Variants in C1orf21 observed in about 807,000 individuals in gnomAD.
The protein encoded by C1orf21 is chromosome 1 open reading frame 21.
Under a neutral mutation model 18.7 loss-of-function variants are expected in C1orf21, and 3 were observed. That is an observed-to-expected ratio of 0.16 (90% CI 0.07 to 0.42). The LOEUF (loss-of-function observed/expected upper bound fraction) is 0.42, where lower values mean the gene tolerates loss of function less well. Among genes scored for constraint, C1orf21 ranks in the 10% least tolerant of loss-of-function variants. The pLI is 0.99. For missense variants in C1orf21, 104 were observed against 143.6 expected (o/e 0.72, Z 1.41); for synonymous variants, 41 against 46.4 (o/e 0.88, Z 0.47).
chr1:184,437,338 C>G (rs1656874671), intron 1 of C1orf21, among the ~76,000 whole-genome samples: 1 of 152,196 alleles, frequency 6.6e-6, no homozygotes. Context: ...CCTGTTATTT[C>G]AGCAAAACCA....
At position 184,619,500 on chromosome 1, in the gene C1orf21, T is replaced by G. The variant is rs1450777318; in HGVS notation, c.328-18T>G. The G allele has an allele frequency of 3.1e-6, 5 of 1,610,748 alleles. No homozygotes were observed. The highest frequency in any genetic ancestry group is 4.2e-6 in the Non-Finnish European group (5 of 1,179,060). Reference sequence around the variant, plus strand: ...TGAATTTCTCATTCACATGCTCTTTTTTCTTTTTCCCTCCAAGGGTCGGGA... The same window carrying G: ...TGAATTTCTCATTCACATGCTCTTTGTTCTTTTTCCCTCCAAGGGTCGGGA... On this transcript the variant is annotated intron_variant, in intron 5 of 5. Coordinates refer to ENST00000235307, the MANE Select transcript of C1orf21 (RefSeq NM_030806.4).
chr1:184,507,796 C>T, intron 3 of C1orf21, 114 bp downstream of exon 3: 1 of 826,686 alleles, frequency 1.2e-6, no homozygotes, highest in Non-Finnish European at 1.8e-6. Context: ...CTTGAAAATG[C>T]TGCAGCTATT....
chr1:184,479,937 C>T (rs958979376), intron 2 of C1orf21, among the ~76,000 whole-genome samples: 3 of 152,048 alleles, frequency 2.0e-5, no homozygotes, highest in Non-Finnish European at 4.4e-5. Flanking sequence ...TTCTTTAATG[C>T]ACAAAAGTAT....
At chr1:184,614,948 A>C (rs1659798679) in intron 5 of C1orf21, among the ~76,000 whole-genome samples, 1 of 152,218 alleles carries the variant, frequency 6.6e-6, no homozygotes, top group African/African-American at 2.4e-5. Context: ...GTAGCGGTCC[A>C]TGGCTTGGGG....
intron 1 of C1orf21, among the ~76,000 whole-genome samples, chr1:184,430,113 C>CAA (rs34368090): frequency 0.015 from 1,457 of 100,232 alleles, 23 homozygotes; most frequent in Admixed American, 0.028. Context: ...CTCCGTCTCA[C>CAA]AAAAAAAAAA....
chr1:184,586,335 T>G (rs557431770), intron 3 of C1orf21, among the ~76,000 whole-genome samples: 3 of 143,366 alleles, frequency 2.1e-5, no homozygotes, highest in African/African-American at 8.0e-5. Context: ...CAGGCTGGAG[T>G]GCAGTGGTGC....
chr1:184,396,112 A>G (rs1436441556), intron 1 of C1orf21, among the ~76,000 whole-genome samples: 1 of 152,176 alleles, frequency 6.6e-6, no homozygotes, highest in Admixed American at 6.5e-5. Context: ...TCCACATATG[A>G]TAGAGAGCAA....
chr1:184,460,944 G>T (rs1657299427), intron 1 of C1orf21, among the ~76,000 whole-genome samples: 1 of 151,898 alleles, frequency 6.6e-6, no homozygotes, highest in Non-Finnish European at 1.5e-5. Flanking sequence ...TGACGTTGAG[G>T]ACAGGTGTCC....
At chr1:184,417,902 C>T (rs548294928) in intron 1 of C1orf21, among the ~76,000 whole-genome samples, 43 of 152,272 alleles carry the variant, frequency 2.8e-4, no homozygotes, top group African/African-American at 9.9e-4. Flanking sequence ...TGGGGTATCG[C>T]TGCATGAATG....
chr1:184,521,813 A>G (rs1052094077), intron 3 of C1orf21, among the ~76,000 whole-genome samples: 4 of 152,226 alleles, frequency 2.6e-5, no homozygotes, highest in Non-Finnish European at 5.9e-5. Flanking sequence ...GACTGTGACA[A>G]AAGAGTCTAA....
chr1:184,512,116 A>G (rs1051156351), intron 3 of C1orf21, among the ~76,000 whole-genome samples: 2 of 152,208 alleles, frequency 1.3e-5, no homozygotes, highest in African/African-American at 2.4e-5. Flanking sequence ...GTCTGTGCCC[A>G]CAGGAGGCTT....
In C1orf21 at chr1:184,524,931, GCTTA is replaced by G. The variant is rs1034962626; in HGVS notation, c.189+17253_189+17256del. Among the ~76,000 whole-genome samples the G allele has an allele frequency of 1.3e-4, 20 of 152,116 alleles. No homozygotes were observed. The South Asian group carries it at 1.5e-3, about 11-fold the overall frequency. On this transcript the variant is annotated intron_variant, in intron 3 of 5. Transcript: ENST00000235307. ...TTTTATTATAGAAAATATTTTCATA[GCTTA>G]CTTCTTAAAATATCCATTAGTCTGA...
chr1:184,607,600 T>C (rs1017849985), intron 5 of C1orf21, among the ~76,000 whole-genome samples: 29 of 151,914 alleles, frequency 1.9e-4, no homozygotes, highest in Admixed American at 1.6e-3. Flanking sequence ...ACCAAGCATA[T>C]AGATATATAT....
At chr1:184,557,875 C>T (rs1658900513) in intron 3 of C1orf21, among the ~76,000 whole-genome samples, 1 of 152,084 alleles carries the variant, frequency 6.6e-6, no homozygotes, top group Admixed American at 6.5e-5. Context: ...CTGATGGAGC[C>T]ATTCATTCTA....
intron 5 of C1orf21, among the ~76,000 whole-genome samples, chr1:184,612,272 A>G (rs550942070): frequency 5.8e-4 from 88 of 152,326 alleles, no homozygotes; most frequent in Non-Finnish European, 1.0e-3. Context: ...AAGAAGCCTC[A>G]TTAAAATGAA....
chr1:184,521,142 C>T (rs980376887), intron 3 of C1orf21, among the ~76,000 whole-genome samples: 1 of 152,166 alleles, frequency 6.6e-6, no homozygotes, highest in African/African-American at 2.4e-5. Context: ...GCCTCGGCCT[C>T]CCAAAGTGCT....
At position 184,431,257 on chromosome 1, in the gene C1orf21, G is replaced by A. The variant is rs139584742; in HGVS notation, c.-125+43889G>A. ...CAGTAACCAAAACAGCATGGTACTG[G>A]TACAAAAACAGATATATAGGCCAAT... On this transcript the variant is annotated intron_variant, in intron 1 of 5. Coordinates refer to ENST00000235307, the MANE Select transcript of C1orf21 (RefSeq NM_030806.4). Among the ~76,000 whole-genome samples, 953 of 152,214 alleles carry A rather than the reference G, an allele frequency of 6.3e-3. 5 individuals carry two copies. The highest frequency in any genetic ancestry group is 0.01 in the Non-Finnish European group (689 of 68,016).
At chr1:184,513,393 G>A (rs1228437394) in intron 3 of C1orf21, among the ~76,000 whole-genome samples, 1 of 152,172 alleles carries the variant, frequency 6.6e-6, no homozygotes, top group Non-Finnish European at 1.5e-5. Flanking sequence ...GGATTCAGAA[G>A]GAACATGTGA....
intron 3 of C1orf21, among the ~76,000 whole-genome samples, chr1:184,535,106 A>G (rs980012190): frequency 1.3e-5 from 2 of 150,022 alleles, no homozygotes; most frequent in Non-Finnish European, 3.0e-5. Context: ...ATTAACTGGC[A>G]TTGAAGATTT....
Sources: gnomAD v4.1 joint callset for allele counts (sites outside exome capture counted in the v4.1 genomes callset) on GRCh38, gnomAD v4.1.1 for gene constraint, MANE v1.5 for transcripts, NCBI Gene and HGNC (gene_info 2026-07-23, HGNC 2026-07-21) for gene names.